NFIA: variants seen among roughly 807,000 people sequenced by gnomAD.
NFIA encodes nuclear factor 1 A-type.
NFIA carries 8 observed loss-of-function variants against 62.8 expected under a neutral mutation model. The observed-to-expected ratio is 0.13, with a 90% CI of 0.07 to 0.23. The LOEUF (loss-of-function observed/expected upper bound fraction) is 0.23, where lower values mean the gene tolerates loss of function less well. Among genes scored for constraint, NFIA ranks in the 10% least tolerant of loss-of-function variants. The pLI, the probability that NFIA is intolerant of heterozygous loss-of-function variation, is 1.00. For synonymous variants in NFIA, 235 were observed against 238.1 expected (o/e 0.99, Z 0.12); for missense variants, 410 against 642.1 (o/e 0.64, Z 3.91).
rs565412935 is a variant in NFIA at position 61,349,761 on chromosome 1, A to AT, written c.701-2679dup. On this transcript the variant is annotated intron_variant, in intron 4 of 10. Coordinates refer to ENST00000403491, the MANE Select transcript of NFIA (RefSeq NM_001134673.4). The stretch of plus-strand genomic sequence containing the variant: ...AGCTAATTTAATTTTTAAAAAAAAT[A>AT]TTTTTTTTTTCTGTGGAGACATAGT... Among the ~76,000 whole-genome samples, 76 of 150,276 alleles carry AT rather than the reference A, an allele frequency of 5.1e-4. 1 individual carries two copies. The South Asian group carries it at 5.5e-3, about 11-fold the overall frequency.
In NFIA at chr1:61,099,771, C is replaced by CT. The variant is rs74732108; in HGVS notation, c.559+11095dup. On this transcript the variant is annotated intron_variant, in intron 2 of 10. Transcript: ENST00000403491. The stretch of plus-strand genomic sequence containing the variant: ...TAAGCCAACTCCCTTAGATCCCAGA[C>CT]TTTTGCCCTAAAACTATATTATTTA... Among the ~76,000 whole-genome samples, 1,748 of 152,304 alleles carry CT rather than the reference C, an allele frequency of 0.011. 105 individuals are homozygous for CT. The East Asian group carries it at 0.18, about 16-fold the overall frequency.
chr1:61,277,316 G>A (rs1316838465), intron 2 of NFIA, among the ~76,000 whole-genome samples: 5 of 152,094 alleles, frequency 3.3e-5, no homozygotes, highest in South Asian at 2.1e-4. Flanking sequence ...AAACCGGAGC[G>A]TCCTCTCTAA....
intron 2 of NFIA, among the ~76,000 whole-genome samples, chr1:61,188,432 AT>A (rs1294101313): frequency 2.6e-5 from 4 of 151,574 alleles, no homozygotes; most frequent in South Asian, 2.1e-4. Context: ...GATGCTAGGA[AT>A]TTTTTTTTCT....
chr1:61,288,421 T>C (rs143932071), intron 3 of NFIA, among the ~76,000 whole-genome samples: 53 of 152,308 alleles, frequency 3.5e-4, no homozygotes, highest in Non-Finnish European at 6.3e-4. Context: ...TAAAGAAATA[T>C]AGTGTAACCT....
chr1:61,402,038 T>C (rs1233735045), intron 7 of NFIA, among the ~76,000 whole-genome samples: 8 of 135,174 alleles, frequency 5.9e-5, no homozygotes, highest in South Asian at 5.0e-4. Context: ...TTTTTCTTTT[T>C]TTTTTTTTTT....
chr1:61,109,683 C>G (rs1646663421), intron 2 of NFIA, among the ~76,000 whole-genome samples: 3 of 151,800 alleles, frequency 2.0e-5, no homozygotes, highest in Admixed American at 2.0e-4. Context: ...AAATAACATT[C>G]TTAATATATT....
chr1:61,173,964 A>T (rs1354381384), intron 2 of NFIA, among the ~76,000 whole-genome samples: 1 of 152,150 alleles, frequency 6.6e-6, no homozygotes, highest in East Asian at 1.9e-4. Flanking sequence ...CTAAATAAAT[A>T]TTATTCTGTG....
chr1:61,150,064 TTC>T (rs1345348900), intron 2 of NFIA, among the ~76,000 whole-genome samples: 9 of 152,330 alleles, frequency 5.9e-5, no homozygotes, highest in Non-Finnish European at 1.3e-4. Flanking sequence ...CCTCCCTATG[TTC>T]TGAGTGTTTC....
At chr1:61,210,220 G>A (rs78923241) in intron 2 of NFIA, among the ~76,000 whole-genome samples, 7,071 of 152,240 alleles carry the variant, frequency 0.046, 230 homozygotes, top group Non-Finnish European at 0.069. Flanking sequence ...TTTTCCTCAA[G>A]TGGAATAAGA....
chr1:61,184,620 C>T (rs1279145860), intron 2 of NFIA, among the ~76,000 whole-genome samples: 1 of 152,232 alleles, frequency 6.6e-6, no homozygotes, highest in Admixed American at 6.5e-5. Context: ...GACCGACACA[C>T]TCTAATTTTT....
At chr1:61,202,411 T>C (rs1652567439) in intron 2 of NFIA, among the ~76,000 whole-genome samples, 1 of 152,182 alleles carries the variant, frequency 6.6e-6, no homozygotes, top group Non-Finnish European at 1.5e-5. Context: ...GAGTACATCC[T>C]TGTTTAAGGA....
intron 4 of NFIA, among the ~76,000 whole-genome samples, chr1:61,351,337 A>T (rs1039841049): frequency 6.6e-6 from 1 of 152,200 alleles, no homozygotes; most frequent in African/African-American, 2.4e-5. Flanking sequence ...TGGCAGTAGC[A>T]GGCTCTCAGT....
At chr1:61,086,763 C>T (rs941916019) in intron 1 of NFIA, among the ~76,000 whole-genome samples, 3 of 152,098 alleles carry the variant, frequency 2.0e-5, no homozygotes, top group Non-Finnish European at 4.4e-5. Flanking sequence ...CACATTTGAA[C>T]ATTTAAAAAT....
chr1:61,258,051 A>C (rs1570466063), intron 2 of NFIA, among the ~76,000 whole-genome samples: 1 of 151,916 alleles, frequency 6.6e-6, no homozygotes, highest in South Asian at 2.1e-4. Context: ...ATGTGCCTTG[A>C]AAGTGTGTAT....
At position 61,460,698 on chromosome 1, in the gene NFIA, T is replaced by C. The variant is rs991142766; in HGVS notation, c.*5378T>C. On this transcript the variant is annotated 3_prime_UTR_variant, in exon 11 of 11. Transcript: ENST00000403491. ...TAAAATGTAGTGCCTGTGAAATCTG[T>C]ATTATATTGCTCTTCTGAAGTAAGA... is the stretch of plus-strand genomic sequence containing the variant. 6.6e-6 allele frequency: 1 copy of C among 152,250 alleles called. No homozygotes were observed. The highest frequency in any genetic ancestry group is 1.5e-5 in the Non-Finnish European group (1 of 68,038). 9.4% of individuals were successfully genotyped at this position (152,250 alleles called of 1,614,324 possible).
At chr1:61,379,053 A>C (rs541728393) in intron 6 of NFIA, among the ~76,000 whole-genome samples, 1 of 152,334 alleles carries the variant, frequency 6.6e-6, no homozygotes, top group South Asian at 2.1e-4. Flanking sequence ...ATATCTGTAG[A>C]AGTCTTTTGC....
chr1:61,214,000 G>A (rs1653438664), intron 2 of NFIA, among the ~76,000 whole-genome samples: 1 of 152,162 alleles, frequency 6.6e-6, no homozygotes, highest in Non-Finnish European at 1.5e-5. Flanking sequence ...TGACTTAAAA[G>A]CTCCAGTGAG....
At chr1:61,153,306 C>T (rs564819828) in intron 2 of NFIA, among the ~76,000 whole-genome samples, 8 of 152,204 alleles carry the variant, frequency 5.3e-5, no homozygotes, top group Non-Finnish European at 8.8e-5. Flanking sequence ...AGTCTATAAG[C>T]ATTTATGATT....
intron 3 of NFIA, among the ~76,000 whole-genome samples, chr1:61,304,387 T>C (rs938852042): frequency 1.3e-5 from 2 of 152,216 alleles, no homozygotes; most frequent in African/African-American, 4.8e-5. Flanking sequence ...TACTAAGCAT[T>C]AGTTATGTCA....
Sources: gnomAD v4.1 joint callset for allele counts (sites outside exome capture counted in the v4.1 genomes callset) on GRCh38, gnomAD v4.1.1 for gene constraint, MANE v1.5 for transcripts, NCBI Gene and HGNC (gene_info 2026-07-23, HGNC 2026-07-21) for gene names.